Variants in METTL15 observed in about 807,000 individuals in gnomAD.
The protein encoded by METTL15 is methyltransferase 15, mitochondrial 12S rRNA N4-cytidine.
Under a neutral mutation model 38.3 loss-of-function variants are expected in METTL15, and 34 were observed. That is an observed-to-expected ratio of 0.89 (90% CI 0.68 to 1.18). The LOEUF is 1.18. Ranked by LOEUF, METTL15 falls within the 50% of genes most tolerant of loss-of-function variation. METTL15 has a pLI of 0.00. For synonymous variants in METTL15, 162 were observed against 170.9 expected (o/e 0.95, Z 0.41); for missense variants, 438 against 498.4 (o/e 0.88, Z 1.15).
intron 6 of METTL15, among the ~76,000 whole-genome samples, chr11:28,460,117 C>A (rs981878686): frequency 4.0e-5 from 6 of 151,864 alleles, no homozygotes; most frequent in Non-Finnish European, 7.4e-5. Context: ...AATTATTTAT[C>A]ATTAAAATAA....
chr11:28,391,844 C>A (rs1850512117), intron 5 of METTL15, among the ~76,000 whole-genome samples: 1 of 152,130 alleles, frequency 6.6e-6, no homozygotes, highest in African/African-American at 2.4e-5. Flanking sequence ...AAATGTTAGA[C>A]CTGAAACCAT....
intron 5 of METTL15, among the ~76,000 whole-genome samples, chr11:28,421,629 T>C (rs1850821226): frequency 1.3e-5 from 2 of 151,960 alleles, no homozygotes; most frequent in Non-Finnish European, 2.9e-5. Context: ...TTTCAATTGA[T>C]GTGAAAAAGC....
intron 3 of METTL15, among the ~76,000 whole-genome samples, chr11:28,165,262 G>C (rs1484541849): frequency 2.0e-5 from 3 of 152,028 alleles, no homozygotes; most frequent in Non-Finnish European, 4.4e-5. Context: ...TATCCATATG[G>C]TTTTTCATAA....
chr11:28,427,798 T>C (rs1850878688), intron 6 of METTL15, among the ~76,000 whole-genome samples: 1 of 152,260 alleles, frequency 6.6e-6, no homozygotes, highest in South Asian at 2.1e-4. Context: ...CCTGAGACTT[T>C]GCTGAAGTAG....
intron 3 of METTL15, among the ~76,000 whole-genome samples, chr11:28,117,987 G>A (rs1852047883): frequency 1.3e-5 from 2 of 151,996 alleles, no homozygotes; most frequent in Admixed American, 1.3e-4. Context: ...TGAATTTACA[G>A]ATGAAACTTT....
rs369045890 is a variant in METTL15 at position 28,289,301 on chromosome 11, C to T, written c.408-905C>T. ...CATAGCAAATATTCATTTACTTTCT[C>T]CATTGGAATTGTATTTAAAAATTAC... On this transcript the variant is annotated intron_variant, in intron 4 of 6. Transcript: ENST00000407364. Among the ~76,000 whole-genome samples, 8 of 152,234 alleles carry T rather than the reference C, an allele frequency of 5.3e-5. 1 individual carries two copies. The South Asian group carries it at 1.7e-3, about 32-fold the overall frequency.
chr11:28,255,955 G>A (rs1364354883), intron 4 of METTL15, among the ~76,000 whole-genome samples: 3 of 152,152 alleles, frequency 2.0e-5, no homozygotes, highest in Non-Finnish European at 4.4e-5. Context: ...CGCCTGCCTC[G>A]GACTCCCAAA....
chr11:28,280,089 T>G (rs1718941059), intron 4 of METTL15, among the ~76,000 whole-genome samples: 2 of 152,192 alleles, frequency 1.3e-5, no homozygotes, highest in East Asian at 3.9e-4. Flanking sequence ...AAATTATTAT[T>G]TTGTACAGTC....
At chr11:28,124,233 C>T (rs2133613901) in intron 3 of METTL15, among the ~76,000 whole-genome samples, 1 of 152,056 alleles carries the variant, frequency 6.6e-6, no homozygotes, top group South Asian at 2.1e-4. Context: ...TAGAGGACAC[C>T]CTAGAAGATC....
Position 28,480,604 on chromosome 11 carries a change from T to C in METTL15, c.*425-45874T>C, listed in dbSNP as rs1243796511. Among the ~76,000 whole-genome samples the C allele has an allele frequency of 6.0e-4, 91 of 152,196 alleles. 1 individual carries two copies. Among genetic ancestry groups the C allele is most frequent in the Non-Finnish European group, 2.9e-5 (2 of 68,024 alleles). The stretch of plus-strand genomic sequence containing the variant: ...TCAAGTTGCCCTTTGGTTTTAGCGG[T>C]GACCCTGGCTTTTAATCCTGGTGAG... On this transcript the variant is annotated intron_variant and NMD_transcript_variant, in intron 6 of 7. Transcript: ENST00000532947.
At chr11:28,291,428 G>C (rs145959137) in intron 5 of METTL15, among the ~76,000 whole-genome samples, 16 of 152,198 alleles carry the variant, frequency 1.1e-4, no homozygotes, top group African/African-American at 3.4e-4. Context: ...CTGACCTAGG[G>C]AATGGACAGC....
intron 6 of METTL15, among the ~76,000 whole-genome samples, chr11:28,298,739 A>G (rs552555709): frequency 7.2e-5 from 11 of 152,256 alleles, no homozygotes; most frequent in African/African-American, 2.6e-4. Context: ...AGTAAATGCC[A>G]TTGAAACATT....
chr11:28,507,412 C>G lies in METTL15; in HGVS notation c.*425-19066C>G, dbSNP rs115017606. On this transcript the variant is annotated intron_variant and NMD_transcript_variant, in intron 6 of 7. Transcript: ENST00000532947. ...AAGGGAAAATCCAACCCCCATAATC[C>G]CATCACCTCCCACCAGGCCCCTCCT... 7.9e-3 allele frequency among the ~76,000 whole-genome samples: 1,210 copies of G among 152,222 alleles called. 24 individuals are homozygous for G. The highest frequency in any genetic ancestry group is 0.027 in the African/African-American group (1,138 of 41,538).
chr11:28,383,878 A>C (rs934103383), intron 5 of METTL15, among the ~76,000 whole-genome samples: 1 of 152,080 alleles, frequency 6.6e-6, no homozygotes, highest in African/African-American at 2.4e-5. Context: ...AACTCATGTC[A>C]TGGGGATTGG....
intron 6 of METTL15, among the ~76,000 whole-genome samples, chr11:28,490,146 C>T (rs1254904256): frequency 9.9e-5 from 15 of 152,104 alleles, no homozygotes; most frequent in Admixed American, 9.2e-4. Context: ...GTTGAGGTGT[C>T]ATGGCTGAGA....
At chr11:28,524,762 T>G (rs565197118) in intron 6 of METTL15, among the ~76,000 whole-genome samples, 1 of 152,294 alleles carries the variant, frequency 6.6e-6, no homozygotes, top group South Asian at 2.1e-4. Context: ...TAATGAGAGA[T>G]AAGGATTTAG....
At chr11:28,445,102 G>A (rs917716744) in intron 6 of METTL15, among the ~76,000 whole-genome samples, 1 of 152,096 alleles carries the variant, frequency 6.6e-6, no homozygotes, top group Non-Finnish European at 1.5e-5. Context: ...GCAGGAGTCC[G>A]AGGCTGGCTA....
intron 3 of METTL15, among the ~76,000 whole-genome samples, chr11:28,343,106 TTGA>T (rs1275018964): frequency 6.6e-6 from 1 of 152,114 alleles, no homozygotes; most frequent in African/African-American, 2.4e-5. Flanking sequence ...ACAAACCCCT[TTGA>T]TGATGAAGAA....
chr11:28,452,439 C>G lies in METTL15; in HGVS notation c.*424+28075C>G, dbSNP rs556999364. Among the ~76,000 whole-genome samples the G allele has an allele frequency of 3.3e-5, 5 of 152,258 alleles. No homozygotes were observed. In the East Asian group the frequency reaches 9.6e-4, roughly 29 times the overall value. On this transcript the variant is annotated intron_variant and NMD_transcript_variant, in intron 6 of 7. Coordinates refer to the METTL15 transcript ENST00000532947. ...CAATACAATTCAAGGGCAGCTGTAT[C>G]TTAATTTATATACCTAAAGTGGTTT...
Sources: allele counts gnomAD v4.1 joint callset (sites outside exome capture counted in the v4.1 genomes callset), GRCh38; gene constraint gnomAD v4.1.1; transcripts MANE v1.5; gene names NCBI Gene and HGNC (gene_info 2026-07-23, HGNC 2026-07-21).